EFCAB8: variants seen among roughly 807,000 people sequenced by gnomAD.
The protein encoded by EFCAB8 is EF-hand calcium-binding domain-containing protein 8.
Under a neutral mutation model 116.3 loss-of-function variants are expected in EFCAB8, and 100 were observed. That is an observed-to-expected ratio of 0.86 (90% CI 0.73 to 1.02). The LOEUF (loss-of-function observed/expected upper bound fraction) is 1.02, where lower values mean the gene tolerates loss of function less well. Ranked by LOEUF, EFCAB8 falls within the 50% of genes least tolerant of loss-of-function variation. EFCAB8 has a pLI of 0.00. For missense variants in EFCAB8, 1,320 were observed against 1,416.9 expected (o/e 0.93, Z 1.10); for synonymous variants, 558 against 567.9 (o/e 0.98, Z 0.25).
chr20:32,946,456 G>A (rs1428444539), intron 23 of EFCAB8, among the ~76,000 whole-genome samples: 1 of 152,150 alleles, frequency 6.6e-6, no homozygotes, highest in Non-Finnish European at 1.5e-5. Flanking sequence ...GGGATGAATG[G>A]TCCTGGTTTC....
At chr20:32,928,240 AT>A (rs535554257) in intron 20 of EFCAB8, among the ~76,000 whole-genome samples, 66 of 135,354 alleles carry the variant, frequency 4.9e-4, no homozygotes, top group South Asian at 6.9e-4. Flanking sequence ...CTGATTTTTT[AT>A]TTTTTTTTTT....
At chr20:32,933,007 CATA>C (rs779283802) in intron 22 of EFCAB8, among the ~76,000 whole-genome samples, 46 of 152,148 alleles carry the variant, frequency 3.0e-4, no homozygotes, top group Non-Finnish European at 5.6e-4. Flanking sequence ...CAATCATCAT[CATA>C]ATAATATTTA....
chr20:32,930,352 C>G lies in EFCAB8; in HGVS notation c.2413-46C>G, dbSNP rs1395817851. 5 of 1,499,736 alleles carry G rather than the reference C, an allele frequency of 3.3e-6. No individual in the cohort carries two copies. In the South Asian group the frequency reaches 3.7e-5, roughly 11 times the overall value. 92.9% of individuals were successfully genotyped at this position (1,499,736 alleles called of 1,614,324 possible). The stretch of plus-strand genomic sequence containing the variant: ...GCTGAGGTCCCTCAGCACCATGTGA[C>G]AGTGGCTCACAGCCCTGCTGAGCCG... On this transcript the variant is annotated intron_variant, in intron 20 of 26. Coordinates refer to ENST00000400522, the MANE Select transcript of EFCAB8 (RefSeq NM_001143967.2).
chr20:32,890,470 C>T (rs988628499), intron 7 of EFCAB8, among the ~76,000 whole-genome samples: 3 of 144,560 alleles, frequency 2.1e-5, no homozygotes, highest in East Asian at 2.0e-4. Context: ...TTCTGTTTAG[C>T]ACATGTCTCC....
In EFCAB8 at chr20:32,917,016, T is replaced by C. The variant is rs535729992; in HGVS notation, c.1857-285T>C. The C allele has an allele frequency of 1.9e-3, 695 of 360,938 alleles. 1 individual carries two copies. The highest frequency in any genetic ancestry group is 2.2e-3 in the Non-Finnish European group (432 of 197,560). The allele number at this position is 360,938 out of a possible 1,614,324, so 22.4% of individuals were successfully genotyped here. Reference sequence around the variant, plus strand: ...TGTAAGGCCACAATGTCCCCCCCCCTTTAAACCTTAATCCTTACCTAGGTG... The same window carrying C: ...TGTAAGGCCACAATGTCCCCCCCCCCTTAAACCTTAATCCTTACCTAGGTG... On this transcript the variant is annotated intron_variant, in intron 17 of 26. Transcript: ENST00000400522.
chr20:32,931,736 C>T (rs564285036), intron 22 of EFCAB8, among the ~76,000 whole-genome samples: 41 of 152,180 alleles, frequency 2.7e-4, no homozygotes, highest in Admixed American at 5.2e-4. Flanking sequence ...CCAGCCTGGG[C>T]GACAGAGCAA....
At chr20:32,873,022 T>C (rs1600367250) in intron 3 of EFCAB8, among the ~76,000 whole-genome samples, 1 of 146,296 alleles carries the variant, frequency 6.8e-6, no homozygotes, top group Non-Finnish European at 1.5e-5. Context: ...GAACCCAGGA[T>C]GCGGAGGTTG....
chr20:32,892,147 T>C lies in EFCAB8; in HGVS notation c.674-66T>C, dbSNP rs1005028585. The C allele has an allele frequency of 1.1e-4, 152 of 1,376,812 alleles. 5 individuals are homozygous for C. The Admixed American group carries it at 2.9e-3, about 27-fold the overall frequency. 85.3% of individuals were successfully genotyped at this position (1,376,812 alleles called of 1,614,324 possible). A position where few individuals can be genotyped will look rare whatever the true frequency, so the allele number is the denominator to read the frequency against. ...TTCCTTGGGATAGCAATGAGGCTGC[T>C]CACTGTGACTGAAGACCTCCCAGGC... On this transcript the variant is annotated intron_variant, in intron 7 of 26. Coordinates refer to ENST00000400522, the MANE Select transcript of EFCAB8 (RefSeq NM_001143967.2).
At position 32,915,999 on chromosome 20, in the gene EFCAB8, C is replaced by T. The variant is rs115733646; in HGVS notation, c.1857-1302C>T. On this transcript the variant is annotated intron_variant, in intron 17 of 26. Transcript: ENST00000400522. The stretch of plus-strand genomic sequence containing the variant: ...TGTTACCTAGTTCTAAAGCCACTTC[C>T]CACATTTTTAGGTATTTGTTACAAT... Among the ~76,000 whole-genome samples, 350 of 152,090 alleles carry T rather than the reference C, an allele frequency of 2.3e-3. 1 individual carries two copies. The highest frequency in any genetic ancestry group is 6.8e-3 in the Middle Eastern group (2 of 294).
rs1295863570 is a variant in EFCAB8 at position 32,961,752 on chromosome 20, C to T, written c.*143C>T. The T allele has an allele frequency of 6.5e-6, 3 of 463,690 alleles. No homozygotes were observed. The highest frequency in any genetic ancestry group is 1.1e-5 in the Non-Finnish European group (3 of 280,504). The allele number at this position is 463,690 out of a possible 1,614,324, so 28.7% of individuals were successfully genotyped here. On this transcript the variant is annotated 3_prime_UTR_variant, in exon 27 of 27. Coordinates refer to ENST00000400522, the MANE Select transcript of EFCAB8 (RefSeq NM_001143967.2). ...CACTGGGCCTCTCTGGGGAAGTTCA[C>T]CTGTCTCCTAATCTTGTCTTCTCTC...
chr20:32,907,615 C>A (rs894998779), intron 13 of EFCAB8, among the ~76,000 whole-genome samples: 1 of 152,206 alleles, frequency 6.6e-6, no homozygotes, highest in Non-Finnish European at 1.5e-5. Context: ...TCAGGGCCCT[C>A]AGGGTCACCT....
chr20:32,877,766 C>T (rs1469057722), intron 4 of EFCAB8, among the ~76,000 whole-genome samples: 1 of 152,114 alleles, frequency 6.6e-6, no homozygotes, highest in African/African-American at 2.4e-5. Flanking sequence ...TGTGGGTGCT[C>T]CCTGCTGTTA....
At chr20:32,914,465 G>A (rs767290927) in intron 17 of EFCAB8, among the ~76,000 whole-genome samples, 1 of 152,174 alleles carries the variant, frequency 6.6e-6, no homozygotes, top group Non-Finnish European at 1.5e-5. Flanking sequence ...TGTCTTTAAT[G>A]ATTGTATTAG....
chr20:32,905,911 A>T (rs74339605), intron 11 of EFCAB8, among the ~76,000 whole-genome samples: 2 of 152,000 alleles, frequency 1.3e-5, no homozygotes. Context: ...AAATGCCAAG[A>T]TGCCATATTT....
chr20:32,864,432 A>C (rs1470294596), intron 2 of EFCAB8, among the ~76,000 whole-genome samples: 2 of 152,068 alleles, frequency 1.3e-5, no homozygotes, highest in Non-Finnish European at 2.9e-5. Flanking sequence ...AAAGTAAAAA[A>C]TAAATTAGGC....
At chr20:32,927,772 A>G (rs745989881) in intron 20 of EFCAB8, among the ~76,000 whole-genome samples, 4 of 152,174 alleles carry the variant, frequency 2.6e-5, no homozygotes, top group African/African-American at 4.8e-5. Flanking sequence ...AGTGGGGGAA[A>G]TGCTTGCCCT....
At chr20:32,887,771 G>A (rs1406942504) in intron 6 of EFCAB8, among the ~76,000 whole-genome samples, 1 of 152,208 alleles carries the variant, frequency 6.6e-6, no homozygotes, top group Non-Finnish European at 1.5e-5. Flanking sequence ...CATGCTACAC[G>A]AGTGCAGGAT....
At chr20:32,912,200 G>T (rs1165700236) in intron 16 of EFCAB8, among the ~76,000 whole-genome samples, 1 of 152,056 alleles carries the variant, frequency 6.6e-6, no homozygotes, top group Non-Finnish European at 1.5e-5. Flanking sequence ...ACTTTGGGAG[G>T]TCGAGGCAGG....
chr20:32,934,560 T>C (rs1041275603), intron 22 of EFCAB8, among the ~76,000 whole-genome samples: 4 of 152,238 alleles, frequency 2.6e-5, no homozygotes, highest in African/African-American at 9.6e-5. Flanking sequence ...GTGGTTGATA[T>C]GGTTTGGTTG....
Sources: allele counts gnomAD v4.1 joint callset (sites outside exome capture counted in the v4.1 genomes callset), GRCh38; gene constraint gnomAD v4.1.1; transcripts MANE v1.5; gene names NCBI Gene and HGNC (gene_info 2026-07-23, HGNC 2026-07-21).